FSTL5: variants seen among roughly 807,000 people sequenced by gnomAD.
The protein encoded by FSTL5 is follistatin-related protein 5.
FSTL5 carries 62 observed loss-of-function variants against 89.1 expected under a neutral mutation model. The ratio of observed to expected loss-of-function variants is 0.70; its 90% CI spans 0.57 to 0.86. The LOEUF is 0.86. Among genes scored for constraint, FSTL5 ranks in the 40% least tolerant of loss-of-function variants. FSTL5 has a pLI of 0.00. For missense variants in FSTL5, 1,057 were observed against 1,001.6 expected, an observed-to-expected ratio of 1.06 and a Z score of -0.75; for synonymous variants, 383 against 346.2, an observed-to-expected ratio of 1.11 and a Z score of -1.18.
At chr4:161,951,609 C>G (rs1175771718) in intron 3 of FSTL5, among the ~76,000 whole-genome samples, 1 of 151,916 alleles carries the variant, frequency 6.6e-6, no homozygotes, top group East Asian at 1.9e-4. Context: ...ACTAACTAAT[C>G]CTGAACTAAA....
chr4:161,720,772 C>T (rs1490959018), intron 6 of FSTL5, among the ~76,000 whole-genome samples: 1 of 152,094 alleles, frequency 6.6e-6, no homozygotes, highest in Non-Finnish European at 1.5e-5. Context: ...CACACAAGGG[C>T]AAATACTACA....
intron 15 of FSTL5, among the ~76,000 whole-genome samples, chr4:161,423,359 G>T (rs1027011366): frequency 2.0e-5 from 3 of 152,156 alleles, no homozygotes; most frequent in Non-Finnish European, 4.4e-5. Flanking sequence ...TCTCAGAAAT[G>T]CTGGCTATCA....
chr4:162,050,266 T>C lies in FSTL5; in HGVS notation c.127-16608A>G, dbSNP rs572168392. On this transcript the variant is annotated intron_variant, in intron 2 of 15. Transcript: ENST00000306100. ...AATTTAAAGAGACTAATTACAAATA[T>C]ATTCTGGAAAAAATAATACTCATAC... 2.3e-3 allele frequency among the ~76,000 whole-genome samples: 356 copies of C among 151,596 alleles called. 2 individuals are homozygous for C. Among genetic ancestry groups the C allele is most frequent in the African/African-American group, 7.8e-3 (323 of 41,568 alleles).
chr4:161,439,401 A>C (rs1280953604), intron 15 of FSTL5, among the ~76,000 whole-genome samples: 3 of 152,202 alleles, frequency 2.0e-5, no homozygotes, highest in Admixed American at 2.0e-4. Context: ...GTAGCACTCC[A>C]ACCAGACTAC....
At chr4:161,559,659 A>G (rs1023365082) in intron 8 of FSTL5, among the ~76,000 whole-genome samples, 1 of 151,902 alleles carries the variant, frequency 6.6e-6, no homozygotes, top group African/African-American at 2.4e-5. Context: ...ATGGTTTCTC[A>G]TGCATTTTGA....
At chr4:161,837,486 A>C (rs1731083997) in intron 4 of FSTL5, among the ~76,000 whole-genome samples, 1 of 152,156 alleles carries the variant, frequency 6.6e-6, no homozygotes, top group African/African-American at 2.4e-5. Context: ...TGTCTCAGTG[A>C]ATTTTTCTGA....
chr4:161,511,695 G>C (rs983909346), intron 10 of FSTL5, among the ~76,000 whole-genome samples: 1 of 151,956 alleles, frequency 6.6e-6, no homozygotes, highest in Non-Finnish European at 1.5e-5. Context: ...ATGATAAAAA[G>C]ACAAATCTTA....
intron 3 of FSTL5, among the ~76,000 whole-genome samples, chr4:161,935,632 T>G (rs1734411575): frequency 6.6e-6 from 1 of 152,118 alleles, no homozygotes; most frequent in Non-Finnish European, 1.5e-5. Context: ...TGAAGGTTTT[T>G]TTAAAGCTCG....
intron 4 of FSTL5, among the ~76,000 whole-genome samples, chr4:161,906,036 AT>A (rs922283679): frequency 3.7e-4 from 57 of 152,304 alleles, no homozygotes; most frequent in African/African-American, 1.2e-3. Context: ...CAGGAAAATT[AT>A]AAGAAACCAG....
rs141276261 is a variant in FSTL5 at position 161,526,347 on chromosome 4, C to T, written c.1312+11819G>A. Among the ~76,000 whole-genome samples the T allele has an allele frequency of 2.7e-3, 405 of 152,172 alleles. 4 individuals are homozygous for T. The highest frequency in any genetic ancestry group is 9.3e-3 in the African/African-American group (384 of 41,508). ...ATAATCTGATTCTATTAAAATTTCA[C>T]TATTGTAGAATGTTTCCAAAGGATG... On this transcript the variant is annotated intron_variant, in intron 10 of 15. Transcript: ENST00000306100.
chr4:161,741,877 G>A (rs548957896), intron 6 of FSTL5, among the ~76,000 whole-genome samples: 20 of 151,696 alleles, frequency 1.3e-4, no homozygotes, highest in African/African-American at 4.8e-4. Flanking sequence ...TAGTAGAGAC[G>A]GTTTCACCAC....
At chr4:161,934,944 T>C (rs1411848742) in intron 3 of FSTL5, among the ~76,000 whole-genome samples, 2 of 152,150 alleles carry the variant, frequency 1.3e-5, no homozygotes, top group Non-Finnish European at 2.9e-5. Context: ...ATACTTAAAA[T>C]GATACATTCT....
chr4:161,598,544 C>T (rs894732832), intron 7 of FSTL5, among the ~76,000 whole-genome samples: 1 of 152,028 alleles, frequency 6.6e-6, no homozygotes, highest in Admixed American at 6.6e-5. Context: ...GACTCATCTA[C>T]AAGATTAAAA....
At chr4:161,951,720 C>T (rs1734901578) in intron 3 of FSTL5, among the ~76,000 whole-genome samples, 1 of 151,936 alleles carries the variant, frequency 6.6e-6, no homozygotes, top group Admixed American at 6.6e-5. Context: ...TGTCAAATAT[C>T]ACAATGTATT....
chr4:161,687,343 TA>T (rs1737782067), intron 6 of FSTL5, among the ~76,000 whole-genome samples: 1 of 152,222 alleles, frequency 6.6e-6, no homozygotes, highest in Non-Finnish European at 1.5e-5. Context: ...GACCCATCTT[TA>T]TACTATTTCT....
In FSTL5 at chr4:162,122,160, G is replaced by A. The variant is rs527524557; in HGVS notation, c.-16-10748C>T. 9.9e-5 allele frequency among the ~76,000 whole-genome samples: 15 copies of A among 152,108 alleles called. No homozygotes were observed. In the South Asian group the frequency reaches 3.1e-3, roughly 31 times the overall value. ...CACCCTATACCCTGTGTCATTCAAG[G>A]GCTAACTTTATTTCTCAAAACTGTA... On this transcript the variant is annotated intron_variant, in intron 1 of 15. Transcript: ENST00000306100.
chr4:161,762,289 C>T (rs1162152812), intron 5 of FSTL5, among the ~76,000 whole-genome samples: 1 of 152,114 alleles, frequency 6.6e-6, no homozygotes, highest in Non-Finnish European at 1.5e-5. Flanking sequence ...GCTTTACAGT[C>T]ATGAGTATTT....
chr4:161,542,214 A>G (rs1180500776), intron 9 of FSTL5, among the ~76,000 whole-genome samples: 1 of 152,010 alleles, frequency 6.6e-6, no homozygotes, highest in Non-Finnish European at 1.5e-5. Flanking sequence ...AATTTCTATA[A>G]AAGAATCTAA....
intron 15 of FSTL5, among the ~76,000 whole-genome samples, chr4:161,402,655 C>T (rs1471693654): frequency 6.6e-6 from 1 of 152,124 alleles, no homozygotes; most frequent in African/African-American, 2.4e-5. Flanking sequence ...GTCTGATCTG[C>T]TATCACTTTT....
Sources: gnomAD v4.1 joint callset for allele counts (sites outside exome capture counted in the v4.1 genomes callset) on GRCh38, gnomAD v4.1.1 for gene constraint, MANE v1.5 for transcripts, NCBI Gene and HGNC (gene_info 2026-07-23, HGNC 2026-07-21) for gene names.